CPEB3: variants seen among roughly 807,000 people sequenced by gnomAD.
CPEB3 encodes the protein cytoplasmic polyadenylation element binding protein 3.
A neutral mutation model predicts 67.2 loss-of-function variants in CPEB3; 20 were observed. That is an observed-to-expected ratio of 0.30 (90% CI 0.21 to 0.43). The LOEUF is 0.43. CPEB3 is among the 20% of genes least tolerant of loss of function. The pLI is 1.00. For missense variants in CPEB3, 746 were observed against 968.6 expected (o/e 0.77, Z 3.05); for synonymous variants, 376 against 393.1 (o/e 0.96, Z 0.51).
At chr10:92,165,543 C>T (rs984462070) in intron 4 of CPEB3, among the ~76,000 whole-genome samples, 7 of 151,186 alleles carry the variant, frequency 4.6e-5, no homozygotes, top group Non-Finnish European at 1.0e-4. Flanking sequence ...TTTGCCACAT[C>T]GATTGACTCT....
intron 6 of CPEB3, among the ~76,000 whole-genome samples, chr10:92,132,847 C>T (rs1473667278): frequency 6.6e-6 from 1 of 152,144 alleles, no homozygotes; most frequent in Non-Finnish European, 1.5e-5. Flanking sequence ...CAAATTAGAA[C>T]TCAGGATTAA....
chr10:92,237,485 G>A lies in CPEB3; in HGVS notation c.1005+1861C>T, dbSNP rs148525237. Among the ~76,000 whole-genome samples, 31 of 152,184 alleles carry A rather than the reference G, an allele frequency of 2.0e-4. No homozygotes were observed. In the East Asian group the frequency reaches 4.8e-3, roughly 24 times the overall value. ...ACAACTGGCAATCCCTATACTCCTC[G>A]TCAATATCAGGTTTGACGAAACTAT... is the stretch of plus-strand genomic sequence containing the variant. On this transcript the variant is annotated intron_variant, in intron 2 of 9. Transcript: ENST00000265997.
At position 92,226,071 on chromosome 10, in the gene CPEB3, T is replaced by C. The variant is rs138470151; in HGVS notation, c.1005+13275A>G. Reference sequence around the variant, plus strand: ...GAGATTGCACCAATGCACTCCAGCCTGGGCAACGGAGCGAGGCTCCATCTC... The same window carrying C: ...GAGATTGCACCAATGCACTCCAGCCCGGGCAACGGAGCGAGGCTCCATCTC... On this transcript the variant is annotated intron_variant, in intron 2 of 9. Transcript: ENST00000265997. Among the ~76,000 whole-genome samples the C allele has an allele frequency of 1.2e-4, 19 of 152,310 alleles. No homozygotes were observed. The East Asian group carries it at 2.5e-3, about 20-fold the overall frequency.
At chr10:92,090,750 G>A (rs949874373) in intron 8 of CPEB3, among the ~76,000 whole-genome samples, 20 of 152,162 alleles carry the variant, frequency 1.3e-4, no homozygotes, top group Non-Finnish European at 2.4e-4. Flanking sequence ...ACAAAGGGCT[G>A]CATTTGCCCC....
At chr10:92,154,628 C>A (rs1363462336) in intron 4 of CPEB3, among the ~76,000 whole-genome samples, 3 of 152,226 alleles carry the variant, frequency 2.0e-5, no homozygotes, top group Admixed American at 1.3e-4. Flanking sequence ...GATCGTCCTA[C>A]TACCAGCTTC....
At chr10:92,283,909 G>A (rs1842417132) in intron 1 of CPEB3, among the ~76,000 whole-genome samples, 1 of 149,438 alleles carries the variant, frequency 6.7e-6, no homozygotes, top group Admixed American at 6.7e-5. Flanking sequence ...TGTATTTTTA[G>A]TAGAGACGGG....
intron 1 of CPEB3, among the ~76,000 whole-genome samples, chr10:92,255,111 T>C (rs1451244937): frequency 6.6e-6 from 1 of 152,226 alleles, no homozygotes; most frequent in Non-Finnish European, 1.5e-5. Context: ...CTTACCTGTA[T>C]TCCCTTTCAT....
At chr10:92,278,436 CTTTT>C (rs1362164695) in intron 1 of CPEB3, among the ~76,000 whole-genome samples, 1 of 152,040 alleles carries the variant, frequency 6.6e-6, no homozygotes, top group Non-Finnish European at 1.5e-5. Context: ...TTATATACTT[CTTTT>C]GTTAAATTTA....
At chr10:92,157,112 ACTC>A (rs1847244811) in intron 4 of CPEB3, among the ~76,000 whole-genome samples, 1 of 151,826 alleles carries the variant, frequency 6.6e-6, no homozygotes, top group South Asian at 2.1e-4. Context: ...GTAAATTACG[ACTC>A]CTCCTTCAGC....
chr10:92,110,214 C>G (rs1190659775), intron 7 of CPEB3, among the ~76,000 whole-genome samples: 1 of 152,166 alleles, frequency 6.6e-6, no homozygotes, highest in Non-Finnish European at 1.5e-5. Context: ...CCTACATTTC[C>G]AGTGCTAGTC....
chr10:92,209,513 C>G (rs7920520), intron 2 of CPEB3, among the ~76,000 whole-genome samples: 127,237 of 152,140 alleles, frequency 0.84, 54,066 homozygotes, highest in African/African-American at 0.96. Flanking sequence ...CAACAAGAGA[C>G]AGAAACTCTG....
At chr10:92,211,226 T>C (rs1850066389) in intron 2 of CPEB3, among the ~76,000 whole-genome samples, 1 of 152,202 alleles carries the variant, frequency 6.6e-6, no homozygotes, top group Admixed American at 6.5e-5. Context: ...CAATTTTTGT[T>C]TAGAAAATTT....
intron 7 of CPEB3, among the ~76,000 whole-genome samples, chr10:92,110,864 GT>G (rs1844702016): frequency 6.6e-6 from 1 of 152,200 alleles, no homozygotes; most frequent in Non-Finnish European, 1.5e-5. Context: ...GGACATATTT[GT>G]TTACACACAG....
At chr10:92,149,799 G>C (rs1380966447) in intron 4 of CPEB3, among the ~76,000 whole-genome samples, 1 of 152,300 alleles carries the variant, frequency 6.6e-6, no homozygotes, top group Non-Finnish European at 1.5e-5. Context: ...CTACTAATCT[G>C]AATCTGTGGG....
At chr10:92,176,590 C>G (rs1350581250) in intron 4 of CPEB3, among the ~76,000 whole-genome samples, 1 of 152,244 alleles carries the variant, frequency 6.6e-6, no homozygotes. Context: ...GCTTTTGTAC[C>G]TATCAAGCAA....
intron 6 of CPEB3, chr10:92,119,169 C>T (rs75975876): frequency 5.7e-6 from 9 of 1,581,046 alleles, no homozygotes; most frequent in South Asian, 3.3e-5. Context: ...ATATGAAGAA[C>T]GGAGGTTCCC....
At chr10:92,286,079 G>A (rs1842514046) in intron 1 of CPEB3, among the ~76,000 whole-genome samples, 1 of 151,818 alleles carries the variant, frequency 6.6e-6, no homozygotes, top group Non-Finnish European at 1.5e-5. Context: ...GGGACTACAG[G>A]CGCCCGCCAC....
chr10:92,230,975 T>C (rs1348060824), intron 2 of CPEB3, among the ~76,000 whole-genome samples: 1 of 152,170 alleles, frequency 6.6e-6, no homozygotes, highest in Non-Finnish European at 1.5e-5. Flanking sequence ...AATTAGACCT[T>C]TGATATCTCC....
At position 92,216,441 on chromosome 10, in the gene CPEB3, T is replaced by G. The variant is rs1268970619; in HGVS notation, c.1005+22905A>C. 43 of 1,612,608 alleles carry G rather than the reference T, an allele frequency of 2.7e-5. No individual in the cohort carries two copies. In the East Asian group the frequency reaches 9.6e-4, roughly 36 times the overall value. The stretch of plus-strand genomic sequence containing the variant: ...GTCAACCAGAACCCCATCGCGCAGC[T>G]CCTGGCTTCTCGCCGCCTCAAGCGG... On this transcript the variant is annotated intron_variant, in intron 2 of 9. Coordinates refer to ENST00000265997, the MANE Select transcript of CPEB3 (RefSeq NM_014912.5).
Sources: gnomAD v4.1 joint callset for allele counts (sites outside exome capture counted in the v4.1 genomes callset) on GRCh38, gnomAD v4.1.1 for gene constraint, MANE v1.5 for transcripts, NCBI Gene and HGNC (gene_info 2026-07-23, HGNC 2026-07-21) for gene names.